The following HMGXB4 variants were observed in gnomAD, a reference collection of about 807,000 sequenced individuals.
HMGXB4 encodes HMG-box containing 4, also known as HMG domain-containing protein 4.
A neutral mutation model predicts 63.9 loss-of-function variants in HMGXB4; 27 were observed. The ratio of observed to expected loss-of-function variants is 0.42; its 90% CI spans 0.31 to 0.58. The LOEUF (loss-of-function observed/expected upper bound fraction) is 0.58, where lower values mean the gene tolerates loss of function less well. HMGXB4 is among the 20% of genes least tolerant of loss of function. The pLI is 0.13. For synonymous variants in HMGXB4, 264 were observed against 265.3 expected, an observed-to-expected ratio of 0.99 and a Z score of 0.05; for missense variants, 624 against 700.7, an observed-to-expected ratio of 0.89 and a Z score of 1.24.
chr22:35,286,463 AT>A (rs1924582096), intron 7 of HMGXB4, among the ~76,000 whole-genome samples: 4 of 152,234 alleles, frequency 2.6e-5, no homozygotes, highest in African/African-American at 9.6e-5. Context: ...TGAGAATGTG[AT>A]TACTAGGTAA....
intron 8 of HMGXB4, 132 bp from the exon 9 acceptor site, chr22:35,288,106 A>C (rs1924705058): frequency 3.2e-6 from 2 of 624,280 alleles, no homozygotes; most frequent in South Asian, 4.3e-5. Context: ...CATAGACTGA[A>C]TTTAGCCCAC....
chr22:35,261,137 A>T (rs1405598848), intron 1 of HMGXB4, among the ~76,000 whole-genome samples: 8 of 152,230 alleles, frequency 5.3e-5, no homozygotes, highest in African/African-American at 1.9e-4. Context: ...TTCTTAAAAC[A>T]TTTAAAGAAC....
At chr22:35,287,145 T>G (rs1924638286) in intron 7 of HMGXB4, 2 of 533,590 alleles carry the variant, frequency 3.7e-6, no homozygotes, top group Non-Finnish European at 6.9e-6. Flanking sequence ...GAGGAATGTT[T>G]ATAGTCCTTT....
upstream of HMGXB4, among the ~76,000 whole-genome samples, chr22:35,257,098 AGAG>A (rs1922454198): frequency 6.6e-6 from 1 of 152,210 alleles, no homozygotes; most frequent in African/African-American, 2.4e-5. Context: ...GGTGTTGCAA[AGAG>A]GAGAACTGCT....
At chr22:35,253,367 C>T (rs960278994), upstream of HMGXB4, among the ~76,000 whole-genome samples, 2 of 152,044 alleles carry the variant, frequency 1.3e-5, no homozygotes, top group African/African-American at 4.8e-5. Flanking sequence ...TTTTACATTG[C>T]CCACAAAACA....
chr22:35,278,877 CAAAAAAAA>C (rs35984118), intron 5 of HMGXB4, among the ~76,000 whole-genome samples: 1 of 108,464 alleles, frequency 9.2e-6, no homozygotes, highest in Non-Finnish European at 1.8e-5. Flanking sequence ...TGCATCTCTA[CAAAAAAAA>C]AAAAAAAAAA....
At chr22:35,241,894 G>T in the HMGXB4 span, among the ~76,000 whole-genome samples, 2 of 152,000 alleles carry the variant, frequency 1.3e-5, no homozygotes, top group African/African-American at 4.8e-5. Context: ...GCAAGCCTCA[G>T]CACGCTGCTC....
At chr22:35,286,685 C>T (rs1043607677) in intron 7 of HMGXB4, among the ~76,000 whole-genome samples, 1 of 151,964 alleles carries the variant, frequency 6.6e-6, no homozygotes, top group Admixed American at 6.6e-5. Context: ...CCCATTTCTA[C>T]TAAAAATACA....
chr22:35,276,455 G>C (rs1396177989), intron 5 of HMGXB4, among the ~76,000 whole-genome samples: 1 of 152,186 alleles, frequency 6.6e-6, no homozygotes, highest in Admixed American at 6.5e-5. Context: ...GGGGAGAAGA[G>C]ATTTATATCT....
chr22:35,287,748 A>T (rs1422582625), intron 8 of HMGXB4, among the ~76,000 whole-genome samples: 1 of 151,954 alleles, frequency 6.6e-6, no homozygotes, highest in Non-Finnish European at 1.5e-5. Flanking sequence ...CAGGAGTTCG[A>T]CACCAGCCTA....
At position 35,265,047 on chromosome 22, in the gene HMGXB4, T is replaced by A. The variant is rs752967716; in HGVS notation, c.659T>A (p.Val220Glu). 1 of 1,613,878 alleles carries A rather than the reference T, an allele frequency of 6.2e-7. No homozygotes were observed. The highest frequency in any genetic ancestry group is 8.5e-7 in the Non-Finnish European group (1 of 1,179,800). The change falls in exon 5 of 11, where the codon GTG becomes GAG. Residue 220 changes from valine to glutamate, a missense_variant. Val to Glu is a moderately radical substitution (Grantham distance 121). Transcript: ENST00000216106. ...CAATATCCCTCCCAACAAGCGACTG[T>A]GAAAAAATCCTCAAAGAAATCAGCT... ...SFQYPSQQAT[V>E]KKSSKKSARD...
chr22:35,292,340 C>T (rs1306770437), intron 9 of HMGXB4, among the ~76,000 whole-genome samples: 1 of 152,084 alleles, frequency 6.6e-6, no homozygotes, highest in East Asian at 1.9e-4. Flanking sequence ...AGTCTTGAAT[C>T]CGGAGCTCAT....
chr22:35,280,340 C>T lies in HMGXB4; in HGVS notation c.1216-3622C>T, dbSNP rs188711432. On this transcript the variant is annotated intron_variant, in intron 5 of 10. Coordinates refer to ENST00000216106, the MANE Select transcript of HMGXB4 (RefSeq NM_001003681.3). ...GTATTATCCAAGTTTTGTAGGGAAA[C>T]GAAATGTCAGGAAAATGAAGCAATT... Among the ~76,000 whole-genome samples the T allele has an allele frequency of 6.3e-4, 96 of 152,228 alleles. 1 individual carries two copies. The East Asian group carries it at 0.015, about 24-fold the overall frequency.
intron 7 of HMGXB4, among the ~76,000 whole-genome samples, chr22:35,286,503 C>T (rs556580452): frequency 5.9e-5 from 9 of 152,172 alleles, no homozygotes; most frequent in Non-Finnish European, 1.2e-4. Context: ...TCCTCATCAA[C>T]CATTACCAAA....
At chr22:35,262,542 C>T in intron 2 of HMGXB4, 121 bp downstream of exon 2, 1 of 1,031,438 alleles carries the variant, frequency 9.7e-7, no homozygotes, top group Non-Finnish European at 1.5e-6. Flanking sequence ...TGGTCCAGAG[C>T]ACTGTTATGA....
At chr22:35,261,430 T>C (rs1013805722) in intron 1 of HMGXB4, among the ~76,000 whole-genome samples, 28 of 117,270 alleles carry the variant, frequency 2.4e-4, no homozygotes, top group Non-Finnish European at 4.6e-4. Context: ...AGCAAGACTC[T>C]ATCTCAAAAA....
intron 5 of HMGXB4, among the ~76,000 whole-genome samples, chr22:35,268,306 C>T (rs566862874): frequency 6.6e-6 from 1 of 152,150 alleles, no homozygotes; most frequent in Non-Finnish European, 1.5e-5. Flanking sequence ...TTACATTTCC[C>T]CCTTCCCTAC....
At chr22:35,263,290 G>GTT (rs1033488738) in intron 3 of HMGXB4, 64 bp downstream of exon 3, 117 of 987,290 alleles carry the variant, frequency 1.2e-4, no homozygotes, top group South Asian at 1.0e-3. Flanking sequence ...GTGATGCAGA[G>GTT]TTTTTTTTTG....
chr22:35,263,325 C>T, intron 3 of HMGXB4, 99 bp downstream of exon 3: 2 of 957,746 alleles, frequency 2.1e-6, no homozygotes, highest in Non-Finnish European at 3.0e-6. Flanking sequence ...CTCTCATGGC[C>T]CAGGCTTGAA....
Sources: allele counts gnomAD v4.1 joint callset (sites outside exome capture counted in the v4.1 genomes callset), GRCh38; gene constraint gnomAD v4.1.1; transcripts MANE v1.5; gene names NCBI Gene and HGNC (gene_info 2026-07-23, HGNC 2026-07-21).